The following RIMS2 variants were observed in gnomAD, a reference collection of about 807,000 sequenced individuals.
RIMS2 encodes regulating synaptic membrane exocytosis 2, also known as regulating synaptic membrane exocytosis protein 2.
A neutral mutation model predicts 174.4 loss-of-function variants in RIMS2; 59 were observed. The ratio of observed to expected loss-of-function variants is 0.34; its 90% CI spans 0.27 to 0.42. The LOEUF (loss-of-function observed/expected upper bound fraction) is 0.42, where lower values mean the gene tolerates loss of function less well. Among genes scored for constraint, RIMS2 ranks in the 10% least tolerant of loss-of-function variants. RIMS2 has a pLI of 1.00. For missense variants in RIMS2, 1,620 were observed against 1,666.3 expected, an observed-to-expected ratio of 0.97 and a Z score of 0.48; for synonymous variants, 606 against 572.5, an observed-to-expected ratio of 1.06 and a Z score of -0.84.
chr8:103,711,172 C>T (rs2097298847), intron 2 of RIMS2, among the ~76,000 whole-genome samples: 1 of 152,202 alleles, frequency 6.6e-6, no homozygotes, highest in Non-Finnish European at 1.5e-5. Flanking sequence ...AGGTACATTC[C>T]TCAGCCTTAC....
chr8:104,020,491 G>A (rs886211812), intron 19 of RIMS2, among the ~76,000 whole-genome samples: 6 of 151,896 alleles, frequency 4.0e-5, no homozygotes, highest in Admixed American at 1.3e-4. Flanking sequence ...TTTTATTTCT[G>A]AATATGAAAT....
At chr8:104,085,521 G>A (rs1244827993) in intron 19 of RIMS2, among the ~76,000 whole-genome samples, 1 of 152,084 alleles carries the variant, frequency 6.6e-6, no homozygotes, top group Non-Finnish European at 1.5e-5. Context: ...AATCAGTGTG[G>A]ATTCTTTTAA....
chr8:103,511,769 A>G (rs933600874), intron 1 of RIMS2, among the ~76,000 whole-genome samples: 2 of 152,236 alleles, frequency 1.3e-5, no homozygotes, highest in Admixed American at 6.5e-5. Flanking sequence ...GATAGAAACT[A>G]TAATAGTAAT....
chr8:103,604,098 C>T (rs2094912571), intron 1 of RIMS2, among the ~76,000 whole-genome samples: 1 of 148,926 alleles, frequency 6.7e-6, no homozygotes, highest in African/African-American at 2.5e-5. Flanking sequence ...AATGGTAATG[C>T]CTAGGTTTTC....
At chr8:103,897,472 C>T (rs2099292292) in intron 4 of RIMS2, among the ~76,000 whole-genome samples, 1 of 151,688 alleles carries the variant, frequency 6.6e-6, no homozygotes, top group Non-Finnish European at 1.5e-5. Flanking sequence ...TAGTAGATGG[C>T]ATGGAAGTCT....
At chr8:104,018,904 T>G (rs146721632) in intron 19 of RIMS2, among the ~76,000 whole-genome samples, 1 of 152,352 alleles carries the variant, frequency 6.6e-6, no homozygotes, top group South Asian at 2.1e-4. Flanking sequence ...CTAAATGAAA[T>G]GCATACCTTT....
chr8:103,967,851 C>CTTTT lies in RIMS2; in HGVS notation c.2770+6735_2770+6738dup, dbSNP rs1183741701. 2.4e-4 allele frequency among the ~76,000 whole-genome samples: 26 copies of CTTTT among 109,554 alleles called. 1 individual carries two copies. The highest frequency in any genetic ancestry group is 5.8e-4 in the South Asian group (2 of 3,434). 71.9% of individuals were successfully genotyped at this position (109,554 alleles called of 152,430 possible). On this transcript the variant is annotated intron_variant, in intron 15 of 23. Transcript: ENST00000504942. ...TCTAAAATTAGTGTACCTACTCCTGCTTTTTTTTTTTTTTTTTTTTGAGAC... is the reference window on the plus strand; with the variant it reads ...TCTAAAATTAGTGTACCTACTCCTGCTTTTTTTTTTTTTTTTTTTTTTTTGAGAC...
At chr8:103,599,434 G>A (rs57639577) in intron 1 of RIMS2, among the ~76,000 whole-genome samples, 26,304 of 146,390 alleles carry the variant, frequency 0.18, 2,602 homozygotes, top group African/African-American at 0.26. Flanking sequence ...ATATATATGT[G>A]TATATATATA....
intron 1 of RIMS2, among the ~76,000 whole-genome samples, chr8:103,553,031 A>G (rs1848754363): frequency 6.6e-6 from 1 of 152,222 alleles, no homozygotes; most frequent in African/African-American, 2.4e-5. Flanking sequence ...TGTGGAAGAC[A>G]GCGTGGTGAT....
intron 19 of RIMS2, among the ~76,000 whole-genome samples, chr8:104,145,395 C>G (rs1566670168): frequency 6.6e-6 from 1 of 151,990 alleles, no homozygotes; most frequent in East Asian, 1.9e-4. Flanking sequence ...TGTAATACGT[C>G]TTTTCCTAGC....
intron 3 of RIMS2, among the ~76,000 whole-genome samples, chr8:103,864,604 C>T (rs2099075795): frequency 6.6e-6 from 1 of 152,102 alleles, no homozygotes; most frequent in Non-Finnish European, 1.5e-5. Flanking sequence ...TGACCTGACA[C>T]ATGGTAAAAA....
intron 19 of RIMS2, among the ~76,000 whole-genome samples, chr8:104,125,864 A>G (rs1408410870): frequency 1.3e-5 from 2 of 152,188 alleles, no homozygotes; most frequent in African/African-American, 4.8e-5. Flanking sequence ...TTGCGGGGAA[A>G]GTTTTCAGAG....
intron 6 of RIMS2, 95 bp downstream of exon 9, chr8:103,912,267 G>A: frequency 2.3e-6 from 2 of 853,412 alleles, no homozygotes; most frequent in East Asian, 2.7e-5. Context: ...CAATTTAGTA[G>A]TGTATTTTTC....
chr8:104,248,714 G>C, exon 21 of RIMS2: 1 of 1,600,884 alleles, frequency 6.2e-7, no homozygotes, highest in Non-Finnish European at 8.6e-7. Flanking sequence ...GATTTTCCCT[G>C]GTGTTCGCTT....
At chr8:103,685,451 C>G (rs936030078) in intron 1 of RIMS2, among the ~76,000 whole-genome samples, 2 of 152,126 alleles carry the variant, frequency 1.3e-5, no homozygotes, top group Non-Finnish European at 2.9e-5. Context: ...GATCCACCCC[C>G]ATGACCCAGA....
At chr8:104,033,979 A>G (rs1298450375) in intron 19 of RIMS2, among the ~76,000 whole-genome samples, 1 of 152,154 alleles carries the variant, frequency 6.6e-6, no homozygotes, top group African/African-American at 2.4e-5. Flanking sequence ...TCTATTGAAT[A>G]TAAAGTGCTT....
At chr8:104,080,808 A>G (rs894354384) in intron 19 of RIMS2, among the ~76,000 whole-genome samples, 4 of 152,074 alleles carry the variant, frequency 2.6e-5, no homozygotes, top group African/African-American at 9.6e-5. Context: ...ATAACGTTTT[A>G]TTAAACATTT....
exon 24 of RIMS2, chr8:104,251,640 A>T: frequency 6.2e-7 from 1 of 1,610,952 alleles, no homozygotes; most frequent in Non-Finnish European, 8.5e-7. Flanking sequence ...TGGATCACAA[A>T]TCTTTTATGG....
At chr8:103,938,251 A>G (rs2081717555) in intron 13 of RIMS2, among the ~76,000 whole-genome samples, 1 of 152,174 alleles carries the variant, frequency 6.6e-6, no homozygotes, top group African/African-American at 2.4e-5. Flanking sequence ...TGATAAAGAC[A>G]TACCCGAGAC....
Sources: gnomAD v4.1 joint callset for allele counts (sites outside exome capture counted in the v4.1 genomes callset) on GRCh38, gnomAD v4.1.1 for gene constraint, MANE v1.5 for transcripts, NCBI Gene and HGNC (gene_info 2026-07-23, HGNC 2026-07-21) for gene names.